The following TRPM3 variants were observed in gnomAD, a reference collection of about 807,000 sequenced individuals.
The protein encoded by TRPM3 is transient receptor potential cation channel subfamily M member 3.
TRPM3 carries 77 observed loss-of-function variants against 181.2 expected under a neutral mutation model. The observed-to-expected ratio is 0.42, with a 90% CI of 0.35 to 0.51. TRPM3 has a LOEUF of 0.51. Ranked by LOEUF, TRPM3 falls within the 20% of genes least tolerant of loss-of-function variation. The probability of loss-of-function intolerance (pLI) is 0.01; values close to 1 mark genes in which losing one functional copy is unlikely to be tolerated. For missense variants in TRPM3, 1,759 were observed against 2,196.7 expected (o/e 0.80, Z 3.98); for synonymous variants, 745 against 796.4 (o/e 0.94, Z 1.09).
intron 8 of TRPM3, among the ~76,000 whole-genome samples, chr9:70,682,291 C>T (rs549691500): frequency 6.6e-6 from 1 of 151,934 alleles, no homozygotes; most frequent in African/African-American, 2.4e-5. Flanking sequence ...ATATGTATTA[C>T]ATGAGGAAAG....
intron 1 of TRPM3, among the ~76,000 whole-genome samples, chr9:70,933,450 T>C (rs1483974934): frequency 6.6e-6 from 1 of 151,780 alleles, no homozygotes; most frequent in Non-Finnish European, 1.5e-5. Context: ...GTGTAGAAAA[T>C]AGAAGCCAAG....
chr9:71,168,527 TA>T (rs2076650197), intron 1 of TRPM3, among the ~76,000 whole-genome samples: 1 of 142,858 alleles, frequency 7.0e-6, no homozygotes, highest in Non-Finnish European at 1.5e-5. Flanking sequence ...TTTTTTTTTT[TA>T]AGGTGTGATT....
intron 1 of TRPM3, among the ~76,000 whole-genome samples, chr9:70,969,779 TAC>T (rs375252514): frequency 0.089 from 12,232 of 137,918 alleles, 1,051 homozygotes; most frequent in Non-Finnish European, 0.13. Flanking sequence ...TATATATATA[TAC>T]ACACACACAC....
intron 1 of TRPM3, among the ~76,000 whole-genome samples, chr9:71,092,452 T>C (rs972440158): frequency 9.2e-5 from 14 of 152,204 alleles, no homozygotes; most frequent in African/African-American, 3.4e-4. Flanking sequence ...AACACTAACT[T>C]CTTCAATTTA....
intron 3 of TRPM3, among the ~76,000 whole-genome samples, chr9:70,852,224 T>C (rs981532320): frequency 1.3e-5 from 2 of 151,766 alleles, no homozygotes; most frequent in African/African-American, 4.8e-5. Flanking sequence ...GTGTATTTAC[T>C]GTGCACCAGG....
chr9:70,922,249 T>C lies in TRPM3; in HGVS notation c.178-57738A>G, dbSNP rs558770348. On this transcript the variant is annotated intron_variant, in intron 1 of 25. Coordinates refer to ENST00000677713, the MANE Select transcript of TRPM3 (RefSeq NM_001366145.2). ...AACTACATTCCTTTTTTATCATTTC[T>C]TGGCCAAAGAGATTGAACTCTGAAC... is the stretch of plus-strand genomic sequence containing the variant. Among the ~76,000 whole-genome samples, 4 of 152,270 alleles carry C rather than the reference T, an allele frequency of 2.6e-5. No homozygotes were observed. The South Asian group carries it at 8.3e-4, about 32-fold the overall frequency.
intron 1 of TRPM3, among the ~76,000 whole-genome samples, chr9:71,040,815 T>C (rs1308806691): frequency 6.6e-6 from 1 of 152,064 alleles, no homozygotes; most frequent in Non-Finnish European, 1.5e-5. Context: ...CAAAAATGCA[T>C]CACCTGAATA....
At chr9:70,561,573 T>C (rs931629248) in intron 22 of TRPM3, among the ~76,000 whole-genome samples, 1 of 152,224 alleles carries the variant, frequency 6.6e-6, no homozygotes, top group South Asian at 2.1e-4. Context: ...CAAGCCCAAC[T>C]TTCTAGAGTC....
chr9:71,338,849 C>T (rs1166880929), intron 1 of TRPM3, among the ~76,000 whole-genome samples: 2 of 152,060 alleles, frequency 1.3e-5, no homozygotes, highest in African/African-American at 4.8e-5. Context: ...AAAAACAAGG[C>T]AAAGATGTCG....
At chr9:70,918,782 C>T (rs1313292942) in intron 1 of TRPM3, among the ~76,000 whole-genome samples, 1 of 152,068 alleles carries the variant, frequency 6.6e-6, no homozygotes, top group Non-Finnish European at 1.5e-5. Context: ...GCAGAAATAA[C>T]TGATCTTGAA....
intron 1 of TRPM3, among the ~76,000 whole-genome samples, chr9:70,968,407 C>T (rs1246564679): frequency 1.3e-5 from 2 of 152,134 alleles, no homozygotes; most frequent in Non-Finnish European, 1.5e-5. Flanking sequence ...GGATTCCTTC[C>T]TTCCTTTATC....
At chr9:71,121,936 T>C (rs1792144181), upstream of TRPM3, among the ~76,000 whole-genome samples, 1 of 152,152 alleles carries the variant, frequency 6.6e-6, no homozygotes, top group Non-Finnish European at 1.5e-5. Context: ...GTAAAAGAGA[T>C]CTGTGTCGTG....
chr9:71,371,301 C>A (rs1342164489), intron 1 of TRPM3, among the ~76,000 whole-genome samples: 1 of 152,088 alleles, frequency 6.6e-6, no homozygotes, highest in African/African-American at 2.4e-5. Flanking sequence ...TGGATCTGGG[C>A]AAAGTACATT....
chr9:70,962,995 G>A (rs1027060628), intron 1 of TRPM3, among the ~76,000 whole-genome samples: 1 of 152,060 alleles, frequency 6.6e-6, no homozygotes, highest in South Asian at 2.1e-4. Flanking sequence ...CAAACCAGTT[G>A]AGCCTGTTTC....
chr9:71,079,038 G>C (rs1404172865), intron 1 of TRPM3, among the ~76,000 whole-genome samples: 1 of 151,796 alleles, frequency 6.6e-6, no homozygotes, highest in Non-Finnish European at 1.5e-5. Context: ...TTCCATATCA[G>C]ACCTAAACTC....
At chr9:71,073,002 A>T (rs931063912) in intron 1 of TRPM3, among the ~76,000 whole-genome samples, 2 of 152,186 alleles carry the variant, frequency 1.3e-5, no homozygotes, top group African/African-American at 4.8e-5. Flanking sequence ...AGAAGCAGGG[A>T]GCCATCTTCC....
chr9:71,349,765 C>A (rs188098094), intron 1 of TRPM3, among the ~76,000 whole-genome samples: 3 of 152,132 alleles, frequency 2.0e-5, no homozygotes, highest in African/African-American at 4.8e-5. Flanking sequence ...CTTTCCCCCA[C>A]GTGAATTCTT....
chr9:70,787,458 G>A (rs915494766), intron 6 of TRPM3, among the ~76,000 whole-genome samples: 2 of 152,106 alleles, frequency 1.3e-5, no homozygotes, highest in Non-Finnish European at 2.9e-5. Flanking sequence ...TTAGTTATGA[G>A]AGGTAGAAAA....
chr9:71,413,704 T>C (rs575209965), intron 1 of TRPM3, among the ~76,000 whole-genome samples: 6 of 152,124 alleles, frequency 3.9e-5, no homozygotes, highest in Admixed American at 1.3e-4. Context: ...GTGGAAGTAG[T>C]TCCCCTTCTG....
Sources: gnomAD v4.1 joint callset for allele counts (sites outside exome capture counted in the v4.1 genomes callset) on GRCh38, gnomAD v4.1.1 for gene constraint, MANE v1.5 for transcripts, NCBI Gene and HGNC (gene_info 2026-07-23, HGNC 2026-07-21) for gene names.